Variants in SETD3 observed in about 807,000 individuals in gnomAD.
SETD3 encodes the protein SET domain containing 3, actin N3(tau)-histidine methyltransferase, also known as actin-histidine N-methyltransferase.
A neutral mutation model predicts 63.0 loss-of-function variants in SETD3; 19 were observed. The observed-to-expected ratio is 0.30, with a 90% CI of 0.21 to 0.44. The LOEUF (loss-of-function observed/expected upper bound fraction) is 0.44. SETD3 is among the 20% of genes least tolerant of loss of function. The pLI is 1.00. For missense variants in SETD3, 587 were observed against 728.5 expected (o/e 0.81, Z 2.24); for synonymous variants, 286 against 264.1 (o/e 1.08, Z -0.80).
At chr14:99,406,778 G>A (rs1321455069) in intron 8 of SETD3, among the ~76,000 whole-genome samples, 188 bp from the exon 9 acceptor site, 1 of 152,254 alleles carries the variant, frequency 6.6e-6, no homozygotes, top group Non-Finnish European at 1.5e-5. Context: ...AGTTATATCA[G>A]AGATGATTAT....
At chr14:99,418,705 C>T (rs2139656835) in intron 6 of SETD3, among the ~76,000 whole-genome samples, 1 of 152,182 alleles carries the variant, frequency 6.6e-6, no homozygotes, top group South Asian at 2.1e-4. Flanking sequence ...TATAGAGACC[C>T]CCTTCCTCTT....
chr14:99,480,330 G>A (rs749430171), intron 1 of SETD3, among the ~76,000 whole-genome samples: 2 of 152,038 alleles, frequency 1.3e-5, no homozygotes, highest in African/African-American at 2.4e-5. Flanking sequence ...CCACCCGAGA[G>A]CAGGCGCGAG....
chr14:99,440,045 G>A (rs905278748), intron 6 of SETD3, among the ~76,000 whole-genome samples: 3 of 152,032 alleles, frequency 2.0e-5, no homozygotes, highest in Non-Finnish European at 4.4e-5. Context: ...CTGGGCTAAA[G>A]TGATCTCCCC....
In SETD3 at chr14:99,397,885, T is replaced by C. The variant is rs1891177774; in HGVS notation, c.*794A>G. The C allele has an allele frequency of 6.6e-6, 1 of 152,622 alleles. No homozygotes were observed. Among genetic ancestry groups the C allele is most frequent in the African/African-American group, 2.4e-5 (1 of 41,462 alleles). The allele number at this position is 152,622 out of a possible 1,614,324, so 9.5% of individuals were successfully genotyped here. A position where few individuals can be genotyped will look rare whatever the true frequency, so the allele number is the denominator to read the frequency against. On this transcript the variant is annotated 3_prime_UTR_variant, in exon 13 of 13. Coordinates refer to ENST00000331768, the MANE Select transcript of SETD3 (RefSeq NM_032233.3). The stretch of plus-strand genomic sequence containing the variant: ...CCACGTGAAGCTGTGGGCCGCTGTG[T>C]GTTTGCAAACTCTCCATTACCAAGG...
At chr14:99,440,323 C>T (rs1893729143) in intron 6 of SETD3, among the ~76,000 whole-genome samples, 1 of 152,128 alleles carries the variant, frequency 6.6e-6, no homozygotes, top group Non-Finnish European at 1.5e-5. Flanking sequence ...TAACACGTGA[C>T]CAAGCTCAGG....
intron 6 of SETD3, among the ~76,000 whole-genome samples, chr14:99,427,544 T>C (rs1892948784): frequency 2.0e-5 from 3 of 152,236 alleles, no homozygotes. Flanking sequence ...TATTATTTTA[T>C]AGAAAACGAT....
chr14:99,459,548 A>G (rs1566727240), intron 4 of SETD3, among the ~76,000 whole-genome samples: 1 of 152,220 alleles, frequency 6.6e-6, no homozygotes, highest in Non-Finnish European at 1.5e-5. Context: ...AGACCAAATC[A>G]AAACAAAATT....
At chr14:99,424,456 G>C (rs1892769546) in intron 6 of SETD3, among the ~76,000 whole-genome samples, 1 of 152,214 alleles carries the variant, frequency 6.6e-6, no homozygotes, top group Admixed American at 6.5e-5. Flanking sequence ...GCTGGGGCTG[G>C]AAGAACTCTC....
At chr14:99,480,253 G>A (rs1045077369) in intron 1 of SETD3, among the ~76,000 whole-genome samples, 2 of 152,092 alleles carry the variant, frequency 1.3e-5, no homozygotes, top group African/African-American at 2.4e-5. Flanking sequence ...ACGGGAGGAA[G>A]GAAGGAAATG....
At chr14:99,427,817 T>C (rs901367037) in intron 6 of SETD3, among the ~76,000 whole-genome samples, 3 of 152,122 alleles carry the variant, frequency 2.0e-5, no homozygotes, top group African/African-American at 7.2e-5. Flanking sequence ...CACACCAGGA[T>C]ACATGACACG....
Position 99,460,000 on chromosome 14 carries a change from C to A in SETD3, c.346-815G>T, listed in dbSNP as rs138079363. ...AAAAGCACATAGTGAGGAAAGTCCACAGCTCGGATCTTCTGGGCAGCATCC... is the reference window on the plus strand; with the variant it reads ...AAAAGCACATAGTGAGGAAAGTCCAAAGCTCGGATCTTCTGGGCAGCATCC... On this transcript the variant is annotated intron_variant, in intron 4 of 12. Coordinates refer to ENST00000331768, the MANE Select transcript of SETD3 (RefSeq NM_032233.3). 4.8e-3 allele frequency among the ~76,000 whole-genome samples: 730 copies of A among 152,346 alleles called. 4 individuals are homozygous for A. The highest frequency in any genetic ancestry group is 0.017 in the African/African-American group (691 of 41,580).
chr14:99,462,019 T>C (rs1463280894), intron 3 of SETD3, among the ~76,000 whole-genome samples: 3 of 152,112 alleles, frequency 2.0e-5, no homozygotes, highest in Non-Finnish European at 2.9e-5. Context: ...ACATTCACAG[T>C]GAAGATGAAC....
At chr14:99,406,652 T>C (rs1891698938) in intron 8 of SETD3, 62 bp from the exon 9 acceptor site, 1 of 1,501,344 alleles carries the variant, frequency 6.7e-7, no homozygotes, top group African/African-American at 1.4e-5. Flanking sequence ...TCACTTAATC[T>C]ACAAGCTTGT....
At chr14:99,403,570 G>A (rs567222043) in intron 11 of SETD3, among the ~76,000 whole-genome samples, 3 of 151,734 alleles carry the variant, frequency 2.0e-5, no homozygotes, top group Non-Finnish European at 2.9e-5. Context: ...ACACAACCAC[G>A]AGAGGTCAAA....
At position 99,397,773 on chromosome 14, in the gene SETD3, G is replaced by C. The variant is rs1363858834; in HGVS notation, c.*906C>G. The C allele has an allele frequency of 6.6e-6, 1 of 152,180 alleles. No individual in the cohort carries two copies. The highest frequency in any genetic ancestry group is 6.5e-5 in the Admixed American group (1 of 15,276). 9.4% of individuals were successfully genotyped at this position (152,180 alleles called of 1,614,324 possible). A position where few individuals can be genotyped will look rare whatever the true frequency, so the allele number is the denominator to read the frequency against. ...TTAATCATGTTTTTCTTTTAATAAG[G>C]GTTTTTACTCAAAAGTGTAGCTTTG... On this transcript the variant is annotated 3_prime_UTR_variant, in exon 13 of 13. Transcript: ENST00000331768.
At chr14:99,429,950 T>TA (rs1442773291) in intron 6 of SETD3, among the ~76,000 whole-genome samples, 1 of 152,172 alleles carries the variant, frequency 6.6e-6, no homozygotes, top group African/African-American at 2.4e-5. Context: ...GAGGAAATGG[T>TA]AAGATATTCT....
Position 99,398,952 on chromosome 14 carries a change from C to G in SETD3, c.1512G>C (p.Glu504Asp). Residue 504 changes from glutamate (E) to aspartate (D), a missense_variant, in exon 13 of 13, where the codon GAG becomes GAC. Transcript: ENST00000331768. The part of the protein sequence containing the change: ...EEKAPLPKYE[E>D]SNLGLLESSV... ...TGCTCTCCAACAGCCCAAGGTTACT[C>G]TCTTCATATTTGGGAAGCGGAGCCT... 1.2e-6 allele frequency: 2 copies of G among 1,614,134 alleles called. No individual in the cohort carries two copies. The highest frequency in any genetic ancestry group is 8.5e-7 in the Non-Finnish European group (1 of 1,179,960).
chr14:99,469,291 A>G (rs1895567247), intron 1 of SETD3, among the ~76,000 whole-genome samples: 1 of 152,218 alleles, frequency 6.6e-6, no homozygotes, highest in South Asian at 2.1e-4. Flanking sequence ...GCAATCTTCA[A>G]AAGTCCTGTT....
Position 99,440,308 on chromosome 14 carries a change from AC to A in SETD3, c.675+17970del, listed in dbSNP as rs372922510. ...TTTGCAAAATGACAAAAGTACGCAA[AC>A]CATTAACACGTGACCAAGCTCAGGG... On this transcript the variant is annotated intron_variant, in intron 6 of 12. Transcript: ENST00000331768. Among the ~76,000 whole-genome samples, 143 of 152,316 alleles carry A rather than the reference AC, an allele frequency of 9.4e-4. 1 individual carries two copies. Among genetic ancestry groups the A allele is most frequent in the African/African-American group, 3.3e-3 (137 of 41,562 alleles).
Sources: gnomAD v4.1 joint callset for allele counts (sites outside exome capture counted in the v4.1 genomes callset) on GRCh38, gnomAD v4.1.1 for gene constraint, MANE v1.5 for transcripts, NCBI Gene and HGNC (gene_info 2026-07-23, HGNC 2026-07-21) for gene names.